RIN2: variants seen among roughly 807,000 people sequenced by gnomAD.
The protein encoded by RIN2 is Ras and Rab interactor 2.
RIN2 carries 36 observed loss-of-function variants against 78.0 expected under a neutral mutation model. The observed-to-expected ratio is 0.46, with a 90% CI of 0.35 to 0.61. RIN2 has a LOEUF of 0.61. RIN2 is among the 20% of genes least tolerant of loss of function. The pLI is 0.00. For missense variants in RIN2, 1,087 were observed against 1,159.7 expected (o/e 0.94, Z 0.91); for synonymous variants, 466 against 466.8 (o/e 1.00, Z 0.02).
chr20:19,993,581 A>G (rs199606), intron 11 of RIN2, among the ~76,000 whole-genome samples: 91,640 of 151,780 alleles, frequency 0.6, 28,297 homozygotes, highest in African/African-American at 0.67. Flanking sequence ...CCAGGCAGGT[A>G]TGAATGGGCC....
At chr20:19,822,668 C>A (rs200669078) in intron 2 of RIN2, among the ~76,000 whole-genome samples, 9 of 147,974 alleles carry the variant, frequency 6.1e-5, no homozygotes, top group South Asian at 2.2e-4. Flanking sequence ...ACACACACAC[C>A]CACACACAAT....
At chr20:19,895,879 G>C (rs898931232) in intron 3 of RIN2, 25 of 152,230 alleles carry the variant, frequency 1.6e-4, no homozygotes, top group African/African-American at 6.0e-4. Context: ...TGATTCACTT[G>C]ACCTCAGCTG....
rs116698606 is a variant in RIN2 at position 19,937,313 on chromosome 20, C to T, written c.158+2114C>T. 7.9e-3 allele frequency among the ~76,000 whole-genome samples: 1,209 copies of T among 152,310 alleles called. 25 individuals are homozygous for T. The highest frequency in any genetic ancestry group is 0.027 in the African/African-American group (1,142 of 41,566). ...AGCAGACCAGTAGGTAGCAGAGTTG[C>T]TTTCAGCAAAACCCCTGGAGAAAGA... On this transcript the variant is annotated intron_variant, in intron 4 of 12. Coordinates refer to ENST00000255006, the MANE Select transcript of RIN2 (RefSeq NM_018993.4).
At chr20:19,990,886 C>G (rs2042778537) in intron 10 of RIN2, among the ~76,000 whole-genome samples, 1 of 152,122 alleles carries the variant, frequency 6.6e-6, no homozygotes, top group Non-Finnish European at 1.5e-5. Context: ...ATTGGCTAGC[C>G]CTTCTTTGCT....
chr20:19,939,176 T>C (rs1306671943), intron 4 of RIN2, among the ~76,000 whole-genome samples: 2 of 152,300 alleles, frequency 1.3e-5, no homozygotes, highest in East Asian at 3.9e-4. Flanking sequence ...CCTCCCAACA[T>C]AGCTGGGATT....
chr20:19,976,516 ATTCT>A (rs763803855), intron 9 of RIN2, among the ~76,000 whole-genome samples: 1 of 152,192 alleles, frequency 6.6e-6, no homozygotes, highest in Non-Finnish European at 1.5e-5. Context: ...TCAAGGGGAA[ATTCT>A]TTCTTTATAA....
chr20:19,971,483 C>G (rs959166474), intron 8 of RIN2, among the ~76,000 whole-genome samples: 1 of 152,098 alleles, frequency 6.6e-6, no homozygotes. Context: ...TTCCCCATTG[C>G]CTTGGGGGAA....
At chr20:19,917,432 T>C (rs1225622078) in intron 3 of RIN2, among the ~76,000 whole-genome samples, 2 of 152,226 alleles carry the variant, frequency 1.3e-5, no homozygotes, top group Non-Finnish European at 2.9e-5. Flanking sequence ...ATTCTTTTTC[T>C]TCTATTTTTC....
At chr20:19,952,119 G>A (rs965157293) in intron 4 of RIN2, among the ~76,000 whole-genome samples, 1 of 152,212 alleles carries the variant, frequency 6.6e-6, no homozygotes, top group Non-Finnish European at 1.5e-5. Context: ...CCCACAGGGA[G>A]CTCAGCAGCG....
At chr20:19,861,405 A>G (rs909615857) in intron 2 of RIN2, among the ~76,000 whole-genome samples, 2 of 152,060 alleles carry the variant, frequency 1.3e-5, no homozygotes, top group African/African-American at 4.8e-5. Flanking sequence ...AGGCTCCTGA[A>G]CCTCCTCCTA....
At chr20:19,994,330 C>T (rs1267600839) in intron 11 of RIN2, among the ~76,000 whole-genome samples, 1 of 152,224 alleles carries the variant, frequency 6.6e-6, no homozygotes, top group Non-Finnish European at 1.5e-5. Flanking sequence ...GGCAAAAATA[C>T]AGATTGGACT....
At chr20:19,809,318 A>G (rs779046736) in intron 2 of RIN2, 1 of 152,572 alleles carries the variant, frequency 6.6e-6, no homozygotes, top group South Asian at 2.1e-4. Flanking sequence ...CAAGGCAGGA[A>G]TGAAACAGTC....
intron 2 of RIN2, among the ~76,000 whole-genome samples, chr20:19,833,380 G>A (rs944889672): frequency 3.3e-5 from 5 of 151,964 alleles, no homozygotes; most frequent in African/African-American, 7.3e-5. Flanking sequence ...TTTGCTGAAC[G>A]TATTGACTCA....
At chr20:19,826,079 A>G (rs2036080364) in intron 2 of RIN2, among the ~76,000 whole-genome samples, 1 of 149,226 alleles carries the variant, frequency 6.7e-6, no homozygotes, top group Admixed American at 6.7e-5. Flanking sequence ...TCATGCTAAT[A>G]TATGCATTAT....
chr20:19,950,299 C>A (rs545895592), intron 4 of RIN2, among the ~76,000 whole-genome samples: 4 of 152,282 alleles, frequency 2.6e-5, no homozygotes, highest in African/African-American at 9.6e-5. Flanking sequence ...TGTATCTGTA[C>A]CTAAGTTTTA....
intron 3 of RIN2, among the ~76,000 whole-genome samples, chr20:19,901,803 G>A (rs146846024): frequency 0.017 from 2,521 of 152,182 alleles, 65 homozygotes; most frequent in African/African-American, 0.057. Flanking sequence ...GATCACTTGA[G>A]GTTAGGTGTT....
chr20:19,798,634 A>G (rs6035441), intron 1 of RIN2, among the ~76,000 whole-genome samples: 62,314 of 151,746 alleles, frequency 0.41, 16,192 homozygotes, highest in African/African-American at 0.74. Flanking sequence ...GTGTGTGTGC[A>G]CGTGTGTGCA....
chr20:19,962,405 G>A (rs1425959705), intron 6 of RIN2, among the ~76,000 whole-genome samples: 2 of 152,228 alleles, frequency 1.3e-5, no homozygotes, highest in East Asian at 3.9e-4. Context: ...CGATGGATGT[G>A]TTGGTCGGAA....
chr20:19,835,096 AG>A (rs778437141), intron 2 of RIN2, among the ~76,000 whole-genome samples: 49 of 135,830 alleles, frequency 3.6e-4, no homozygotes, highest in East Asian at 8.1e-4. Context: ...AGAAAAAGAA[AG>A]AAGAAAGAAA....
Sources: allele counts gnomAD v4.1 joint callset (sites outside exome capture counted in the v4.1 genomes callset), GRCh38; gene constraint gnomAD v4.1.1; transcripts MANE v1.5; gene names NCBI Gene and HGNC (gene_info 2026-07-23, HGNC 2026-07-21).